Variants in BBX observed in about 807,000 individuals in gnomAD.
BBX encodes HMG box transcription factor BBX.
In BBX, 30 loss-of-function variants were observed where a neutral mutation model predicts 100.2. The ratio of observed to expected loss-of-function variants is 0.30; its 90% confidence interval spans 0.22 to 0.41. BBX has a LOEUF of 0.41. Ranked by LOEUF, BBX falls within the 10% of genes least tolerant of loss-of-function variation. The pLI, the probability that BBX is intolerant of heterozygous loss-of-function variation, is 1.00. For synonymous variants in BBX, 376 were observed against 388.1 expected (o/e 0.97, Z 0.37); for missense variants, 1,023 against 1,129.8 (o/e 0.91, Z 1.35).
chr3:107,757,772 TTTAA>T (rs1353652168), intron 10 of BBX, among the ~76,000 whole-genome samples: 2 of 152,182 alleles, frequency 1.3e-5, no homozygotes, highest in African/African-American at 4.8e-5. Flanking sequence ...AAATATAACG[TTTAA>T]TTATTTCTGA....
intron 2 of BBX, among the ~76,000 whole-genome samples, chr3:107,618,878 G>C (rs1436958648): frequency 6.6e-6 from 1 of 152,026 alleles, no homozygotes; most frequent in Admixed American, 6.6e-5. Context: ...TTCTGCTGTT[G>C]GGTCAGATGT....
intron 2 of BBX, among the ~76,000 whole-genome samples, chr3:107,577,258 G>T (rs533466514): frequency 6.6e-6 from 1 of 152,204 alleles, no homozygotes; most frequent in Non-Finnish European, 1.5e-5. Context: ...TGATATGCCT[G>T]CTCTTCTCTA....
chr3:107,778,994 C>CATATATATATATATATAT (rs1286419462), intron 13 of BBX, among the ~76,000 whole-genome samples: 116 of 68,036 alleles, frequency 1.7e-3, no homozygotes, highest in African/African-American at 4.7e-3. Flanking sequence ...CCTCCAGCAA[C>CATATATATATATATATAT]ATATATATAT....
At chr3:107,597,014 A>T (rs1348306545) in intron 2 of BBX, among the ~76,000 whole-genome samples, 2 of 152,216 alleles carry the variant, frequency 1.3e-5, no homozygotes, top group African/African-American at 4.8e-5. Flanking sequence ...TTTGAAAACT[A>T]TGGATTACTT....
At chr3:107,579,081 G>A (rs1425017236) in intron 2 of BBX, among the ~76,000 whole-genome samples, 1 of 152,184 alleles carries the variant, frequency 6.6e-6, no homozygotes, top group African/African-American at 2.4e-5. Context: ...ATACTCAGAA[G>A]AGATGCATGT....
chr3:107,650,786 G>A (rs2057794773), intron 3 of BBX, among the ~76,000 whole-genome samples: 3 of 152,122 alleles, frequency 2.0e-5, no homozygotes, highest in Non-Finnish European at 2.9e-5. Flanking sequence ...GTTTGCTTGT[G>A]TTGCTGTAAC....
At chr3:107,747,372 C>T (rs2064709314) in intron 8 of BBX, among the ~76,000 whole-genome samples, 1 of 151,946 alleles carries the variant, frequency 6.6e-6, no homozygotes, top group South Asian at 2.1e-4. Context: ...TTTTTTTTCA[C>T]CATAATCCTC....
intron 2 of BBX, among the ~76,000 whole-genome samples, chr3:107,608,676 C>G (rs1341000444): frequency 2.0e-5 from 3 of 151,928 alleles, no homozygotes; most frequent in Non-Finnish European, 1.5e-5. Flanking sequence ...TTAATAATAC[C>G]GATTCTTACA....
intron 2 of BBX, among the ~76,000 whole-genome samples, chr3:107,553,890 C>T (rs1432616561): frequency 6.6e-6 from 1 of 152,014 alleles, no homozygotes; most frequent in African/African-American, 2.4e-5. Flanking sequence ...AGATTTCTAA[C>T]AATGGTGGAC....
chr3:107,571,457 A>G (rs2051356490), intron 2 of BBX, among the ~76,000 whole-genome samples: 1 of 152,124 alleles, frequency 6.6e-6, no homozygotes, highest in Non-Finnish European at 1.5e-5. Context: ...TGTCTCTACT[A>G]GAGGGGAGAA....
intron 3 of BBX, among the ~76,000 whole-genome samples, chr3:107,659,229 G>A (rs937730890): frequency 1.9e-4 from 29 of 151,754 alleles, no homozygotes; most frequent in African/African-American, 5.6e-4. Context: ...AGATTTGGCC[G>A]TTAACATTTT....
intron 14 of BBX, 25 bp from the exon 15 acceptor site, chr3:107,791,215 T>C (rs755775189): frequency 3.7e-6 from 6 of 1,606,296 alleles, no homozygotes; most frequent in Middle Eastern, 1.7e-4. Flanking sequence ...TTCACTTTTC[T>C]TTCCTTTTCT....
chr3:107,647,526 A>G (rs994052857), intron 3 of BBX, among the ~76,000 whole-genome samples: 1 of 152,222 alleles, frequency 6.6e-6, no homozygotes, highest in Non-Finnish European at 1.5e-5. Context: ...TTAATTGCAG[A>G]TGGCTAAGAC....
In BBX at chr3:107,795,613, C is replaced by CTTTTT. The variant is rs1158136233; in HGVS notation, c.2354-2889_2354-2885dup. Among the ~76,000 whole-genome samples, 37 of 60,034 alleles carry CTTTTT rather than the reference C, an allele frequency of 6.2e-4. 6 individuals carry two copies. The highest frequency in any genetic ancestry group is 1.5e-3 in the African/African-American group (21 of 13,678). The allele number at this position is 60,034 out of a possible 152,430, so 39.4% of individuals were successfully genotyped here. ...AACTTATGAGAACCTCCGACGTAGT[C>CTTTTT]TTTTTTTTTTTTTTTTTTTTTTTTT... On this transcript the variant is annotated intron_variant, in intron 15 of 17. Coordinates refer to ENST00000325805, the MANE Select transcript of BBX (RefSeq NM_001142568.3).
intron 4 of BBX, among the ~76,000 whole-genome samples, chr3:107,714,066 C>T (rs1411912720): frequency 6.9e-6 from 1 of 145,128 alleles, no homozygotes. Flanking sequence ...GCCTCCTCCT[C>T]CCAGGTTCAG....
chr3:107,732,849 GT>G, intron 6 of BBX, 106 bp from the exon 7 acceptor site: 1 of 895,780 alleles, frequency 1.1e-6, no homozygotes, highest in East Asian at 2.7e-5. Context: ...GTTATATGTG[GT>G]TCTGTTGGAT....
In BBX at chr3:107,807,628, G is replaced by A. The variant is rs1447928528; in HGVS notation, c.*2171G>A. ...AACACGTTAGAATAGATCTATTTTT[G>A]CCAGAGCACCCTCCTTCAGTCCTCC... On this transcript the variant is annotated 3_prime_UTR_variant, in exon 18 of 18. Transcript: ENST00000325805. The A allele has an allele frequency of 6.6e-6, 1 of 151,430 alleles. No individual in the cohort carries two copies. Among genetic ancestry groups the A allele is most frequent in the African/African-American group, 2.4e-5 (1 of 41,200 alleles). The allele number at this position is 151,430 out of a possible 1,614,324, so 9.4% of individuals were successfully genotyped here. A position where few individuals can be genotyped will look rare whatever the true frequency, so the allele number is the denominator to read the frequency against.
chr3:107,532,149 G>A lies in BBX; in HGVS notation c.-84+5751G>A, dbSNP rs183530436. 1.7e-3 allele frequency among the ~76,000 whole-genome samples: 262 copies of A among 152,000 alleles called. 1 individual carries two copies. The highest frequency in any genetic ancestry group is 5.8e-4 in the East Asian group (3 of 5,156). On this transcript the variant is annotated intron_variant, in intron 2 of 17. Transcript: ENST00000325805. ...GTTGAGGCTGCGGTGAGCCATGATC[G>A]TGTCACCGCACTCCAGCCTGGGTGA...
chr3:107,680,829 G>A (rs2059535506), intron 3 of BBX, among the ~76,000 whole-genome samples: 2 of 152,098 alleles, frequency 1.3e-5, no homozygotes, highest in Admixed American at 1.3e-4. Context: ...AAACAGATTG[G>A]ATCTTTGTTA....
Sources: allele counts gnomAD v4.1 joint callset (sites outside exome capture counted in the v4.1 genomes callset), GRCh38; gene constraint gnomAD v4.1.1; transcripts MANE v1.5; gene names NCBI Gene and HGNC (gene_info 2026-07-23, HGNC 2026-07-21).